Variants in RNF4 observed in about 807,000 individuals in gnomAD.
RNF4 encodes E3 ubiquitin-protein ligase RNF4.
RNF4 carries 7 observed loss-of-function variants against 24.3 expected under a neutral mutation model. The ratio of observed to expected loss-of-function variants is 0.29; its 90% CI spans 0.16 to 0.54. The LOEUF (loss-of-function observed/expected upper bound fraction) is 0.54. Among genes scored for constraint, RNF4 ranks in the 20% least tolerant of loss-of-function variants. The probability of loss-of-function intolerance (pLI) is 0.95; values close to 1 mark genes in which losing one functional copy is unlikely to be tolerated. For synonymous variants in RNF4, 83 were observed against 84.3 expected (o/e 0.98, Z 0.09); for missense variants, 209 against 248.5 (o/e 0.84, Z 1.07).
chr4:2,475,531 G>A (rs771843566), intron 1 of RNF4, among the ~76,000 whole-genome samples: 1 of 152,130 alleles, frequency 6.6e-6, no homozygotes, highest in South Asian at 2.1e-4. Context: ...GTAGAGATAG[G>A]GTTTCACCGT....
chr4:2,494,381 T>G (rs2108764737), intron 2 of RNF4, among the ~76,000 whole-genome samples: 1 of 146,284 alleles, frequency 6.8e-6, no homozygotes, highest in South Asian at 2.3e-4. Context: ...AACTTTTTTT[T>G]TTTTTTTTTT....
Position 2,512,957 on chromosome 4 carries a change from C to T in RNF4, c.375-126C>T, listed in dbSNP as rs990096182. 25 of 915,660 alleles carry T rather than the reference C, an allele frequency of 2.7e-5. No homozygotes were observed. The highest frequency in any genetic ancestry group is 4.8e-5 in the East Asian group (2 of 41,490). 56.7% of individuals were successfully genotyped at this position (915,660 alleles called of 1,614,324 possible). A position where few individuals can be genotyped will look rare whatever the true frequency, so the allele number is the denominator to read the frequency against. On this transcript the variant is annotated intron_variant, in intron 6 of 7. Transcript: ENST00000314289. The surrounding 1 kb of genome is among the most constrained non-coding windows in gnomAD (Gnocchi z 4.1). ...CTTTCCTGAAAGTCTCTCGGATGCCCGCGCTAAGGCAGAGTCAGGAGGCCA... is the reference window on the plus strand; with the variant it reads ...CTTTCCTGAAAGTCTCTCGGATGCCTGCGCTAAGGCAGAGTCAGGAGGCCA...
chr4:2,490,434 G>A lies in RNF4; in HGVS notation c.-60G>A, dbSNP rs1045736740. ...AAGGTTGAGAACATTTGACTTCCCT[G>A]CAAACCTTGGTATAGATCACTTCCT... On this transcript the variant is annotated 5_prime_UTR_variant, in exon 2 of 8. Transcript: ENST00000314289. The A allele has an allele frequency of 1.3e-6, 2 of 1,588,106 alleles. No individual in the cohort carries two copies. The highest frequency in any genetic ancestry group is 8.6e-7 in the Non-Finnish European group (1 of 1,162,364).
intron 7 of RNF4, among the ~76,000 whole-genome samples, 196 bp downstream of exon 7, chr4:2,513,327 C>T (rs778043645): frequency 1.3e-5 from 2 of 152,242 alleles, no homozygotes; most frequent in African/African-American, 4.8e-5. Context: ...CTTTCACCTT[C>T]AGCCCCTATA....
intron 1 of RNF4, chr4:2,489,745 G>T (rs1232986791): frequency 1.3e-5 from 2 of 152,210 alleles, no homozygotes; most frequent in African/African-American, 4.8e-5. Flanking sequence ...GGTCGGCCTC[G>T]CTTCTCAGTG....
At chr4:2,487,039 G>A (rs1378391700) in intron 1 of RNF4, among the ~76,000 whole-genome samples, 1 of 152,200 alleles carries the variant, frequency 6.6e-6, no homozygotes, top group Non-Finnish European at 1.5e-5. Flanking sequence ...TCCCACCTCT[G>A]TTGAAACCAA....
intron 1 of RNF4, among the ~76,000 whole-genome samples, chr4:2,473,856 GA>G (rs1019658774): frequency 1.3e-5 from 2 of 152,142 alleles, no homozygotes; most frequent in Non-Finnish European, 2.9e-5. Flanking sequence ...TGGATCACCT[GA>G]GGTCAGGAGT....
chr4:2,484,519 G>A (rs1049889064), intron 1 of RNF4, among the ~76,000 whole-genome samples: 7 of 151,970 alleles, frequency 4.6e-5, no homozygotes. Context: ...TTCAACTTAT[G>A]ATTTATTGGG....
chr4:2,504,635 C>G (rs1736014988), intron 4 of RNF4, among the ~76,000 whole-genome samples: 1 of 151,194 alleles, frequency 6.6e-6, no homozygotes, highest in South Asian at 2.1e-4. Flanking sequence ...ACTGTAAGCT[C>G]TGCCTCCTGG....
intron 2 of RNF4, among the ~76,000 whole-genome samples, chr4:2,495,349 A>G (rs1010367526): frequency 2.0e-5 from 3 of 152,200 alleles, no homozygotes; most frequent in Non-Finnish European, 4.4e-5. Flanking sequence ...CTCCTGCAAT[A>G]TCTGGTCCTT....
chr4:2,503,488 G>A (rs1735977860), intron 4 of RNF4, among the ~76,000 whole-genome samples: 1 of 152,180 alleles, frequency 6.6e-6, no homozygotes, highest in African/African-American at 2.4e-5. Context: ...CTACTGGTCA[G>A]TTTGATCAGT....
At chr4:2,484,600 T>C (rs1735352009) in intron 1 of RNF4, among the ~76,000 whole-genome samples, 1 of 148,142 alleles carries the variant, frequency 6.8e-6, no homozygotes, top group Non-Finnish European at 1.5e-5. Flanking sequence ...CACATAATTA[T>C]ATGTCACACT....
chr4:2,478,473 T>C (rs970023041), intron 1 of RNF4, among the ~76,000 whole-genome samples: 5 of 152,118 alleles, frequency 3.3e-5, no homozygotes, highest in Non-Finnish European at 5.9e-5. Flanking sequence ...GAGGAAAATA[T>C]GGTTTCCTGG....
intron 2 of RNF4, among the ~76,000 whole-genome samples, chr4:2,491,856 C>T (rs1409704311): frequency 6.6e-6 from 1 of 151,882 alleles, no homozygotes; most frequent in Non-Finnish European, 1.5e-5. Flanking sequence ...ACCTCAGCAT[C>T]CTGAGTAGTT....
intron 4 of RNF4, among the ~76,000 whole-genome samples, chr4:2,504,524 T>TTTATTTATTTATTTATTTATTTA (rs1560411814): frequency 7.1e-6 from 1 of 140,814 alleles, no homozygotes; most frequent in African/African-American, 2.6e-5. Context: ...GTTTTATAGC[T>TTTATTTATTTATTTATTTATTTA]TTTATTTATT....
intron 4 of RNF4, among the ~76,000 whole-genome samples, chr4:2,507,324 G>C (rs1440067128): frequency 1.3e-5 from 2 of 152,114 alleles, no homozygotes; most frequent in African/African-American, 4.8e-5. Context: ...AGAAAGAAGA[G>C]CTCAGAAAAG....
intron 2 of RNF4, among the ~76,000 whole-genome samples, chr4:2,493,248 G>A (rs367884807): frequency 5.6e-4 from 85 of 152,244 alleles, no homozygotes; most frequent in African/African-American, 2.0e-3. Flanking sequence ...GTAAAGAAAG[G>A]GAGGGACAGG....
chr4:2,501,667 C>G (rs187656224), intron 4 of RNF4, among the ~76,000 whole-genome samples: 327 of 152,248 alleles, frequency 2.1e-3, no homozygotes, highest in African/African-American at 7.1e-3. Context: ...GCTCGGAACA[C>G]AGGTCGGGGT....
chr4:2,493,596 T>C (rs1163090555), intron 2 of RNF4, among the ~76,000 whole-genome samples: 1 of 151,410 alleles, frequency 6.6e-6, no homozygotes, highest in East Asian at 2.0e-4. Context: ...ACAAAAAAAT[T>C]AGCTAAGCAC....
Sources: gnomAD v4.1 joint callset for allele counts (sites outside exome capture counted in the v4.1 genomes callset) on GRCh38, gnomAD v4.1.1 for gene constraint, Gnocchi (gnomAD v3.1) non-coding constraint, MANE v1.5 for transcripts, NCBI Gene and HGNC (gene_info 2026-07-23, HGNC 2026-07-21) for gene names.